The following PTPRD variants were observed in gnomAD, a reference collection of about 807,000 sequenced individuals.
The protein encoded by PTPRD is receptor-type tyrosine-protein phosphatase delta.
A neutral mutation model predicts 214.5 loss-of-function variants in PTPRD; 34 were observed. That is an observed-to-expected ratio of 0.16 (90% CI 0.12 to 0.21). The LOEUF (loss-of-function observed/expected upper bound fraction) is 0.21, where lower values mean the gene tolerates loss of function less well. Among genes scored for constraint, PTPRD ranks in the 10% least tolerant of loss-of-function variants. The pLI is 1.00. For synonymous variants in PTPRD, 1,128 were observed against 845.7 expected, an observed-to-expected ratio of 1.33 and a Z score of -5.79; for missense variants, 2,545 against 2,398.7, an observed-to-expected ratio of 1.06 and a Z score of -1.27.
intron 14 of PTPRD, among the ~76,000 whole-genome samples, chr9:8,612,933 G>A (rs2095499277): frequency 6.6e-6 from 1 of 152,054 alleles, no homozygotes; most frequent in African/African-American, 2.4e-5. Context: ...GCATTGTTAT[G>A]AACTACTACC....
chr9:10,417,733 A>T (rs1198359674), intron 2 of PTPRD, among the ~76,000 whole-genome samples: 1 of 151,960 alleles, frequency 6.6e-6, no homozygotes, highest in East Asian at 2.0e-4. Context: ...ACCCTTCCCC[A>T]TGAGAATACA....
intron 10 of PTPRD, among the ~76,000 whole-genome samples, chr9:9,022,076 C>T (rs1393116432): frequency 6.6e-6 from 1 of 151,588 alleles, no homozygotes; most frequent in Non-Finnish European, 1.5e-5. Context: ...ACCATCATGG[C>T]ACATGTATAC....
chr9:9,811,319 G>A (rs144103957), intron 5 of PTPRD, among the ~76,000 whole-genome samples: 191 of 152,314 alleles, frequency 1.3e-3, no homozygotes, highest in Admixed American at 2.4e-3. Flanking sequence ...AAATGCAAGA[G>A]AACTAGAACT....
chr9:9,810,133 TAAA>T (rs3050106), intron 5 of PTPRD, among the ~76,000 whole-genome samples: 5 of 108,520 alleles, frequency 4.6e-5, no homozygotes, highest in Non-Finnish European at 5.1e-5. Context: ...ACTTCCAGGT[TAAA>T]AAAAAAAAAA....
intron 2 of PTPRD, among the ~76,000 whole-genome samples, chr9:10,482,098 G>A (rs370022800): frequency 6.5e-4 from 99 of 152,250 alleles, no homozygotes; most frequent in African/African-American, 9.6e-4. Context: ...TTGGCCGGGC[G>A]CGGTGGCTCA....
At chr9:9,414,337 C>A (rs191529333) in intron 8 of PTPRD, among the ~76,000 whole-genome samples, 2 of 152,264 alleles carry the variant, frequency 1.3e-5, no homozygotes, top group Admixed American at 1.3e-4. Context: ...TGATTCAATG[C>A]TTTTGAAAGA....
At chr9:8,714,504 C>G (rs150850169) in intron 12 of PTPRD, among the ~76,000 whole-genome samples, 1 of 152,152 alleles carries the variant, frequency 6.6e-6, no homozygotes, top group Non-Finnish European at 1.5e-5. Flanking sequence ...TAGCTTGGTG[C>G]GCAGTAGAAT....
At chr9:8,851,903 T>G (rs12683467) in intron 11 of PTPRD, among the ~76,000 whole-genome samples, 20,862 of 152,122 alleles carry the variant, frequency 0.14, 1,779 homozygotes, top group East Asian at 0.33. Flanking sequence ...GAAAGGAACC[T>G]GGGTCGAGAT....
At chr9:9,275,669 G>A (rs1297189469) in intron 9 of PTPRD, among the ~76,000 whole-genome samples, 1 of 151,208 alleles carries the variant, frequency 6.6e-6, no homozygotes, top group African/African-American at 2.4e-5. Context: ...GTCTTTCTAA[G>A]TCTGGGTAGG....
chr9:9,602,216 A>C (rs1431454116), intron 7 of PTPRD, among the ~76,000 whole-genome samples: 1 of 152,094 alleles, frequency 6.6e-6, no homozygotes, highest in Non-Finnish European at 1.5e-5. Flanking sequence ...ATCATTAAAC[A>C]TGTTAATATT....
At chr9:9,201,492 T>C (rs2099941803) in intron 9 of PTPRD, among the ~76,000 whole-genome samples, 1 of 152,112 alleles carries the variant, frequency 6.6e-6, no homozygotes, top group Non-Finnish European at 1.5e-5. Flanking sequence ...AGTATGTCTT[T>C]AATAAGGCAA....
chr9:10,171,511 C>G lies in PTPRD; in HGVS notation c.-544-137721G>C, dbSNP rs571058456. On this transcript the variant is annotated intron_variant, in intron 3 of 45. Coordinates refer to ENST00000381196, the MANE Select transcript of PTPRD (RefSeq NM_002839.4). ...TTTTTCTTTATAAATTACTCAGTCTCTGGTATATCTTTATTTTTATTTTTA... is the reference window on the plus strand; with the variant it reads ...TTTTTCTTTATAAATTACTCAGTCTGTGGTATATCTTTATTTTTATTTTTA... 2.0e-5 allele frequency among the ~76,000 whole-genome samples: 3 copies of G among 152,008 alleles called. No homozygotes were observed. In the South Asian group the frequency reaches 6.2e-4, roughly 32 times the overall value.
At chr9:10,612,163 G>C (rs2081174221) in intron 2 of PTPRD, among the ~76,000 whole-genome samples, 1 of 146,426 alleles carries the variant, frequency 6.8e-6, no homozygotes, top group African/African-American at 2.5e-5. Context: ...TTTCCAGTAA[G>C]GCTGCCCATA....
intron 14 of PTPRD, among the ~76,000 whole-genome samples, chr9:8,580,500 A>G (rs1215186419): frequency 6.6e-6 from 1 of 152,176 alleles, no homozygotes; most frequent in Non-Finnish European, 1.5e-5. Context: ...TGGACTTTTT[A>G]TTTTTGAAAG....
intron 3 of PTPRD, among the ~76,000 whole-genome samples, chr9:10,123,083 T>C (rs950547449): frequency 1.3e-5 from 2 of 152,138 alleles, no homozygotes; most frequent in Non-Finnish European, 2.9e-5. Context: ...CAAAGCATAG[T>C]AAAAAGCTGG....
chr9:9,919,876 T>C (rs1354583296), intron 5 of PTPRD, among the ~76,000 whole-genome samples: 1 of 152,124 alleles, frequency 6.6e-6, no homozygotes, highest in Non-Finnish European at 1.5e-5. Flanking sequence ...TTGAGTGACA[T>C]GTGGATATAA....
At chr9:8,908,923 T>A (rs1406793607) in intron 11 of PTPRD, among the ~76,000 whole-genome samples, 1 of 150,626 alleles carries the variant, frequency 6.6e-6, no homozygotes, top group African/African-American at 2.4e-5. Context: ...ATTAAAAGGC[T>A]CATAATTTGA....
intron 5 of PTPRD, among the ~76,000 whole-genome samples, chr9:9,800,853 A>C (rs986148962): frequency 6.6e-5 from 10 of 152,208 alleles, no homozygotes; most frequent in African/African-American, 2.4e-4. Context: ...CTTGTAAAAC[A>C]ACAGCCACTC....
chr9:8,823,377 T>C (rs1054454783), intron 11 of PTPRD, among the ~76,000 whole-genome samples: 8 of 152,180 alleles, frequency 5.3e-5, no homozygotes, highest in African/African-American at 1.9e-4. Flanking sequence ...AATCATGTAA[T>C]ACATAGCCCT....
Sources: gnomAD v4.1 joint callset for allele counts (sites outside exome capture counted in the v4.1 genomes callset) on GRCh38, gnomAD v4.1.1 for gene constraint, MANE v1.5 for transcripts, NCBI Gene and HGNC (gene_info 2026-07-23, HGNC 2026-07-21) for gene names.